RPL3: variants seen among roughly 807,000 people sequenced by gnomAD.
RPL3 encodes the protein ribosomal protein L3, also known as large ribosomal subunit protein uL3.
Under a neutral mutation model 46.0 loss-of-function variants are expected in RPL3, and 3 were observed. That is an observed-to-expected ratio of 0.07 (90% CI 0.03 to 0.17). The LOEUF (loss-of-function observed/expected upper bound fraction) is 0.17. Ranked by LOEUF, RPL3 falls within the 10% of genes least tolerant of loss-of-function variation. The probability of loss-of-function intolerance (pLI) is 1.00; values close to 1 mark genes in which losing one functional copy is unlikely to be tolerated. For synonymous variants in RPL3, 224 were observed against 190.8 expected, an observed-to-expected ratio of 1.17 and a Z score of -1.43; for missense variants, 387 against 532.7, an observed-to-expected ratio of 0.73 and a Z score of 2.69.
chr22:39,315,281 T>A, intron 5 of RPL3, 88 bp downstream of exon 5: 1 of 1,538,022 alleles, frequency 6.5e-7, no homozygotes, highest in Non-Finnish European at 9.0e-7. Flanking sequence ...TACCCAGCGC[T>A]CACTCTGAGC....
rs775459765 is a variant in RPL3 at position 39,314,811 on chromosome 22, G to A, written c.724C>T (p.Arg242Cys). The change falls in exon 6 of 10, where the codon CGC (arginine) becomes TGC (cysteine). Residue 242 changes from arginine to cysteine, a missense_variant. Around this residue, in one of 5 missense-constraint regions of RPL3, gnomAD observed 48 missense variants for 80.7 expected, o/e 0.60. Coordinates refer to ENST00000216146, the MANE Select transcript of RPL3 (RefSeq NM_000967.4). ...TTGCGCAGGCCTCGGTGGGTCTTGC[G>A]GGGCAGCTTCTTGGTGTGCCAACGA... ...TSRWHTKKLPRKTHRGLRKVA... is the reference protein window; with the variant it reads ...TSRWHTKKLPCKTHRGLRKVA... The A allele has an allele frequency of 1.2e-6, 2 of 1,613,640 alleles. No individual in the cohort carries two copies. The highest frequency in any genetic ancestry group is 1.3e-5 in the African/African-American group (1 of 74,956).
At chr22:39,319,403 G>A (rs940793052) in intron 1 of RPL3, 192 bp downstream of exon 1, 4 of 758,126 alleles carry the variant, frequency 5.3e-6, no homozygotes, top group Admixed American at 2.6e-5. Context: ...CAGGCCCAAA[G>A]CCAGTCCTCC....
chr22:39,314,418 A>G, intron 6 of RPL3: 1 of 629,390 alleles, frequency 1.6e-6, no homozygotes, highest in East Asian at 2.7e-5. Context: ...GCTGTACAAC[A>G]CAGGCCTGTC....
Position 39,318,407 on chromosome 22 carries a change from C to T in RPL3, c.189G>A (p.Pro63=), listed in dbSNP as rs764047284. The T allele has an allele frequency of 5.0e-6, 8 of 1,613,724 alleles. No individual in the cohort carries two copies. The highest frequency in any genetic ancestry group is 6.8e-6 in the Non-Finnish European group (8 of 1,179,882). The change falls in exon 2 of 10, where the codon CCG becomes CCA. Residue 63 remains proline (P), a synonymous_variant. Transcript: ENST00000216146. ...TAGGATGTCTGTACATACTGGATCC[C>T]GGCCTGTCGACTTCCCGCACGATGT... ...MTHIVREVDR[P]GSKVNKKEVV...
At position 39,317,072 on chromosome 22, in the gene RPL3, T is replaced by C. The variant is rs187908578; in HGVS notation, c.366-231A>G. The C allele has an allele frequency of 3.1e-3, 2,025 of 653,652 alleles. 14 individuals are homozygous for C. Among genetic ancestry groups the C allele is most frequent in the South Asian group, 0.014 (701 of 51,918 alleles). The allele number at this position is 653,652 out of a possible 1,614,324, so 40.5% of individuals were successfully genotyped here. On this transcript the variant is annotated intron_variant, in intron 3 of 9. Coordinates refer to ENST00000216146, the MANE Select transcript of RPL3 (RefSeq NM_000967.4). ...TTAAGTTACACGCATTCAAACAAAA[T>C]TCTTGCTCCGGGACAAACCTTTCTG...
At chr22:39,318,668 TC>T in intron 1 of RPL3, 76 bp from the exon 2 acceptor site, 2 of 1,289,568 alleles carry the variant, frequency 1.6e-6, no homozygotes, top group Non-Finnish European at 2.1e-6. Flanking sequence ...CTGCTTAAGT[TC>T]CAAATCTCAG....
intron 2 of RPL3, 168 bp from the exon 3 acceptor site, chr22:39,317,797 A>G (rs951636471): frequency 1.5e-6 from 1 of 674,098 alleles, no homozygotes; most frequent in Non-Finnish European, 2.5e-6. Flanking sequence ...TTCAAAGCAC[A>G]TTTATGTTAT....
intron 2 of RPL3, chr22:39,318,186 A>G (rs996841699): frequency 5.4e-6 from 3 of 554,934 alleles, no homozygotes; most frequent in South Asian, 2.3e-5. Context: ...AATACCCCAC[A>G]CCGCACCTAA....
intron 7 of RPL3, 53 bp downstream of exon 7, chr22:39,314,054 C>A: frequency 6.6e-7 from 1 of 1,519,544 alleles, no homozygotes; most frequent in South Asian, 1.1e-5. Flanking sequence ...CAGCCTATCC[C>A]CAAAAGCACG....
chr22:39,316,936 G>A (rs771842021), intron 3 of RPL3, 95 bp from the exon 4 acceptor site: 55 of 1,589,384 alleles, frequency 3.5e-5, no homozygotes, highest in Non-Finnish European at 2.3e-5. Flanking sequence ...ACCGCGTGGG[G>A]ATGGAGCTCA....
At position 39,317,307 on chromosome 22, in the gene RPL3, G is replaced by C. The variant is rs547528190; in HGVS notation, c.365+154C>G. 54 of 863,478 alleles carry C rather than the reference G, an allele frequency of 6.3e-5. No homozygotes were observed. The African/African-American group carries it at 7.8e-4, about 12-fold the overall frequency. The allele number at this position is 863,478 out of a possible 1,614,324, so 53.5% of individuals were successfully genotyped here. A position where few individuals can be genotyped will look rare whatever the true frequency, so the allele number is the denominator to read the frequency against. ...CGGCTGAAACCAGATGGCTGGCCAA[G>C]TCTGATCCCAGGTATTTTTCTGTTC... On this transcript the variant is annotated intron_variant, in intron 3 of 9. Transcript: ENST00000216146.
intron 5 of RPL3, 164 bp from the exon 6 acceptor site, chr22:39,315,010 G>A (rs1922589934): frequency 9.9e-7 from 1 of 1,007,106 alleles, no homozygotes; most frequent in South Asian, 1.6e-5. Flanking sequence ...ATAGGCTCTG[G>A]GGGTGTCACC....
chr22:39,315,448 C>G lies in RPL3; in HGVS notation c.609G>C (p.Gln203His), dbSNP rs1922624625. The change falls in exon 5 of 10, where the codon CAG (glutamine) becomes CAC (histidine). Residue 203 changes from glutamine to histidine, a missense_variant. By Grantham distance (24) the Gln-to-His change is conservative. Coordinates refer to ENST00000216146, the MANE Select transcript of RPL3 (RefSeq NM_000967.4). Reference sequence around the variant, plus strand: ...CAAACACTTGGTTCACAGGTACCTGCTGCTCAAGCCTCTCGCGGGCCCAGT... The same window carrying G: ...CAAACACTTGGTTCACAGGTACCTGGTGCTCAAGCCTCTCGCGGGCCCAGT... ...KLDWARERLE[Q>H]QVPVNQVFGQ... 3.1e-6 allele frequency: 5 copies of G among 1,614,008 alleles called. No individual in the cohort carries two copies. In the Admixed American group the frequency reaches 8.3e-5, roughly 27 times the overall value.
intron 1 of RPL3, chr22:39,319,255 C>T (rs1314756150): frequency 3.9e-6 from 2 of 507,084 alleles, no homozygotes; most frequent in Non-Finnish European, 7.3e-6. Context: ...TCCTTCTACC[C>T]AGACAAGCAG....
At position 39,317,371 on chromosome 22, in the gene RPL3, G is replaced by A. The variant is rs1173504570; in HGVS notation, c.365+90C>T. 3.5e-6 allele frequency: 5 copies of A among 1,436,706 alleles called. No homozygotes were observed. In the African/African-American group the frequency reaches 5.7e-5, roughly 16 times the overall value. The allele number at this position is 1,436,706 out of a possible 1,614,324, so 89.0% of individuals were successfully genotyped here. On this transcript the variant is annotated intron_variant, in intron 3 of 9. Coordinates refer to ENST00000216146, the MANE Select transcript of RPL3 (RefSeq NM_000967.4). ...AACCCAAGACAGCAGCTCCCTGCCT[G>A]CTACAGAGCTGAGAAACCATGCACA...
chr22:39,316,571 G>A, intron 4 of RPL3, 135 bp downstream of exon 4: 1 of 1,096,048 alleles, frequency 9.1e-7, no homozygotes, highest in Admixed American at 2.1e-5. Context: ...CCTTGCTAAG[G>A]GCCAGTAAGG....
At chr22:39,314,388 G>A (rs1263767248) in intron 6 of RPL3, 180 bp from the exon 7 acceptor site, 2 of 646,444 alleles carry the variant, frequency 3.1e-6, no homozygotes, top group Admixed American at 2.8e-5. Context: ...TAAGGCGGCT[G>A]GGCTAAAACT....
At chr22:39,317,944 G>A (rs1922806342) in intron 2 of RPL3, 2 of 392,266 alleles carry the variant, frequency 5.1e-6, no homozygotes, top group East Asian at 4.8e-5. Context: ...TCTGAGCTCA[G>A]AGATTAGTCA....
chr22:39,317,041 G>A (rs1469979262), intron 3 of RPL3, 200 bp from the exon 4 acceptor site: 6 of 732,772 alleles, frequency 8.2e-6, no homozygotes, highest in Middle Eastern at 2.4e-4. Flanking sequence ...GGTCCACAAG[G>A]TTAATTTAAG....
Sources: allele counts gnomAD v4.1 joint callset, GRCh38; gene constraint gnomAD v4.1.1; regional missense constraint gnomAD v4.1.1; transcripts MANE v1.5; gene names NCBI Gene and HGNC (gene_info 2026-07-23, HGNC 2026-07-21).